BLM: variants seen among roughly 807,000 people sequenced by gnomAD.
BLM encodes BLM RecQ like helicase.
Under a neutral mutation model 135.3 loss-of-function variants are expected in BLM, and 95 were observed. The observed-to-expected ratio is 0.70, with a 90% CI of 0.59 to 0.83. BLM has a LOEUF of 0.83. Ranked by LOEUF, BLM falls within the 40% of genes least tolerant of loss-of-function variation. BLM has a pLI of 0.00. For synonymous variants in BLM, 520 were observed against 589.2 expected (o/e 0.88, Z 1.70); for missense variants, 1,518 against 1,663.9 (o/e 0.91, Z 1.53).
At chr15:90,781,828 A>G (rs749482995) in intron 12 of BLM, among the ~76,000 whole-genome samples, 16 of 152,156 alleles carry the variant, frequency 1.1e-4, no homozygotes, top group South Asian at 1.0e-3. Context: ...TGGCCTAAAA[A>G]TACGTATATT....
intron 15 of BLM, chr15:90,793,883 A>G: frequency 4.7e-6 from 1 of 213,454 alleles, no homozygotes; most frequent in South Asian, 7.8e-5. Flanking sequence ...AGTTCGGTGG[A>G]TGCTCGACTG....
chr15:90,790,373 C>T, intron 14 of BLM: 1 of 451,104 alleles, frequency 2.2e-6, no homozygotes, highest in Non-Finnish European at 4.1e-6. Flanking sequence ...GCAGTTGATT[C>T]TGGCTCTCTT....
chr15:90,761,288 A>G, intron 7 of BLM, 33 bp downstream of exon 7: 1 of 1,401,598 alleles, frequency 7.1e-7, no homozygotes. Context: ...GCTTATATGA[A>G]AACAAAACTG....
chr15:90,766,482 C>T (rs544435557), intron 9 of BLM, among the ~76,000 whole-genome samples: 4 of 152,188 alleles, frequency 2.6e-5, no homozygotes, highest in South Asian at 2.1e-4. Flanking sequence ...GGCTGGAGTG[C>T]GGTGGTGCAA....
chr15:90,762,817 A>T, intron 7 of BLM, 149 bp from the exon 8 acceptor site: 1 of 767,902 alleles, frequency 1.3e-6, no homozygotes, highest in Non-Finnish European at 2.0e-6. Context: ...TGGCTTTGAG[A>T]CTTGTAGGGA....
At chr15:90,808,526 A>G (rs1012859693) in intron 19 of BLM, among the ~76,000 whole-genome samples, 1 of 152,188 alleles carries the variant, frequency 6.6e-6, no homozygotes, top group Admixed American at 6.5e-5. Context: ...CTTTACAGTC[A>G]AGTTCTTAAA....
intron 18 of BLM, 60 bp from the exon 19 acceptor site, chr15:90,804,107 C>A (rs2151194693): frequency 6.8e-7 from 1 of 1,477,658 alleles, no homozygotes; most frequent in East Asian, 2.3e-5. Flanking sequence ...TAAATAAAGC[C>A]CCTGTATGGG....
chr15:90,790,010 T>TG (rs1896863314), intron 14 of BLM, among the ~76,000 whole-genome samples: 3 of 121,816 alleles, frequency 2.5e-5, no homozygotes, highest in South Asian at 2.6e-4. Flanking sequence ...TTTTTTTTTT[T>TG]TTTTTTTTTT....
At chr15:90,727,723 C>T (rs948298468) in intron 1 of BLM, among the ~76,000 whole-genome samples, 4 of 152,046 alleles carry the variant, frequency 2.6e-5, no homozygotes, top group African/African-American at 4.8e-5. Context: ...GAAGCCTGCA[C>T]GTGAATTCCT....
At chr15:90,750,899 A>G (rs1454882469) in intron 3 of BLM, among the ~76,000 whole-genome samples, 1 of 152,200 alleles carries the variant, frequency 6.6e-6, no homozygotes, top group Non-Finnish European at 1.5e-5. Flanking sequence ...GGGTCTTGTC[A>G]CATATTTCCT....
intron 14 of BLM, among the ~76,000 whole-genome samples, chr15:90,787,660 A>C (rs1344390937): frequency 6.6e-6 from 1 of 152,066 alleles, no homozygotes; most frequent in Admixed American, 6.6e-5. Flanking sequence ...ATAAAAATCC[A>C]GTTTATGGCC....
At chr15:90,779,012 A>C (rs1439055875) in intron 12 of BLM, among the ~76,000 whole-genome samples, 4 of 151,334 alleles carry the variant, frequency 2.6e-5, no homozygotes, top group African/African-American at 4.9e-5. Context: ...CAGCTTCCTG[A>C]GTAGCTGAGA....
chr15:90,804,298 G>C lies in BLM; in HGVS notation c.3690G>C (p.Gly1230=). The part of the protein sequence containing the change: ...GELTEVCKSL[G]KVFGVHYFNI... ...TTACAGAAGTCTGCAAATCTCTGGG[G>C]AAAGTTTTTGGTGTCCATTACTTCA... Residue 1230 remains glycine (G), a synonymous_variant, in exon 19 of 22, where the codon GGG becomes GGC. Transcript: ENST00000355112. 6.2e-7 allele frequency: 1 copy of C among 1,614,176 alleles called. No individual in the cohort carries two copies. The highest frequency in any genetic ancestry group is 8.5e-7 in the Non-Finnish European group (1 of 1,180,020).
chr15:90,765,272 T>C lies in BLM; in HGVS notation c.2075-24T>C, dbSNP rs200292088. The C allele has an allele frequency of 3.1e-5, 47 of 1,520,178 alleles. No homozygotes were observed. The East Asian group carries it at 3.6e-4, about 12-fold the overall frequency. 94.2% of individuals were successfully genotyped at this position (1,520,178 alleles called of 1,614,324 possible). A position where few individuals can be genotyped will look rare whatever the true frequency, so the allele number is the denominator to read the frequency against. On this transcript the variant is annotated intron_variant, in intron 8 of 21. Coordinates refer to ENST00000355112, the MANE Select transcript of BLM (RefSeq NM_000057.4). ...TGCTCTGAAGACAGAACCTGACAGA[T>C]ATTTTTTCATTGTTCTCTTTCAGGA...
intron 1 of BLM, among the ~76,000 whole-genome samples, chr15:90,726,251 A>C (rs1276848267): frequency 6.6e-6 from 1 of 152,046 alleles, no homozygotes. Flanking sequence ...CTTCCCATCT[A>C]GCTGTAATTT....
At chr15:90,798,920 C>G (rs113440200) in intron 17 of BLM, among the ~76,000 whole-genome samples, 2 of 150,848 alleles carry the variant, frequency 1.3e-5, no homozygotes, top group African/African-American at 4.9e-5. Flanking sequence ...GAAGTGAAGA[C>G]TGCAGTGAGC....
chr15:90,764,299 TTATAA>T (rs906287788), intron 8 of BLM, among the ~76,000 whole-genome samples: 11 of 149,036 alleles, frequency 7.4e-5, no homozygotes, highest in Non-Finnish European at 1.6e-4. Context: ...TTATATATAA[TTATAA>T]TATATAGTGT....
At chr15:90,805,953 G>A (rs1306629704) in intron 19 of BLM, among the ~76,000 whole-genome samples, 2 of 151,818 alleles carry the variant, frequency 1.3e-5, no homozygotes, top group South Asian at 2.1e-4. Flanking sequence ...GGGTTCAAAC[G>A]ATTCTCCTGC....
At chr15:90,775,712 A>G (rs1209837192) in intron 12 of BLM, among the ~76,000 whole-genome samples, 1 of 151,972 alleles carries the variant, frequency 6.6e-6, no homozygotes, top group Admixed American at 6.6e-5. Context: ...GGGTTTCACC[A>G]TGTTGGCCAG....
Sources: allele counts gnomAD v4.1 joint callset (sites outside exome capture counted in the v4.1 genomes callset), GRCh38; gene constraint gnomAD v4.1.1; transcripts MANE v1.5; gene names NCBI Gene and HGNC (gene_info 2026-07-23, HGNC 2026-07-21).